Variants in MPHOSPH8 observed in about 807,000 individuals in gnomAD.
MPHOSPH8 encodes the protein M-phase phosphoprotein, mpp.
Under a neutral mutation model 87.3 loss-of-function variants are expected in MPHOSPH8, and 45 were observed. That is an observed-to-expected ratio of 0.52 (90% CI 0.41 to 0.66). The LOEUF (loss-of-function observed/expected upper bound fraction) is 0.66. Among genes scored for constraint, MPHOSPH8 ranks in the 30% least tolerant of loss-of-function variants. The pLI is 0.00. For missense variants in MPHOSPH8, 883 were observed against 1,020.2 expected (o/e 0.87, Z 1.83); for synonymous variants, 366 against 376.9 (o/e 0.97, Z 0.33).
intron 11 of MPHOSPH8, 124 bp from the exon 12 acceptor site, chr13:19,670,112 G>A (rs1277158056): frequency 8.7e-7 from 1 of 1,143,180 alleles, no homozygotes; most frequent in Non-Finnish European, 1.3e-6. Flanking sequence ...GAGCCTCCAG[G>A]CAGAGTGGGT....
At chr13:19,633,992 G>T in intron 1 of MPHOSPH8, 31 bp downstream of exon 1, 1 of 1,588,540 alleles carries the variant, frequency 6.3e-7, no homozygotes, top group Non-Finnish European at 8.6e-7. Flanking sequence ...GCGGGGCTGG[G>T]CGGGGAGCTC....
chr13:19,648,808 C>T (rs996658704), intron 4 of MPHOSPH8, among the ~76,000 whole-genome samples: 11 of 151,802 alleles, frequency 7.2e-5, no homozygotes, highest in Admixed American at 2.0e-4. Context: ...ATATTGAATA[C>T]GCATTTTGGA....
intron 5 of MPHOSPH8, among the ~76,000 whole-genome samples, chr13:19,656,924 C>G (rs1184103957): frequency 1.3e-5 from 2 of 149,666 alleles, no homozygotes; most frequent in Non-Finnish European, 3.0e-5. Context: ...GAGTTCGAGG[C>G]CAGCCTGGCC....
At chr13:19,646,362 C>T (rs528394722) in intron 2 of MPHOSPH8, 81 bp from the exon 3 acceptor site, 1 of 1,173,898 alleles carries the variant, frequency 8.5e-7, no homozygotes, top group Non-Finnish European at 1.1e-6. Context: ...AATATTCTTA[C>T]CAAATTTCAT....
In MPHOSPH8 at chr13:19,661,762, T is replaced by G. The variant is rs1875540704; in HGVS notation, c.1856T>G (p.Leu619Arg). ...GGAGGGCAGGACGACCTCCTGCGAC[T>G]CCTCATCACAAAAGGCGCGAAAGTG... is the stretch of plus-strand genomic sequence containing the variant. Reference protein sequence around the residue: ...AAGGQDDLLRLLITKGAKVNG... With the variant: ...AAGGQDDLLRRLITKGAKVNG... The change falls in exon 8 of 14, where the codon CTC becomes CGC. Residue 619 changes from leucine to arginine, a missense_variant. By Grantham distance (102) the Leu-to-Arg change is moderately radical (BLOSUM62 -2). This residue lies in a region of MPHOSPH8 where 741 missense variants were observed against 841.5 expected (regional missense o/e 0.88). Coordinates refer to ENST00000361479, the MANE Select transcript of MPHOSPH8 (RefSeq NM_017520.4). 4 of 1,612,902 alleles carry G rather than the reference T, an allele frequency of 2.5e-6. No homozygotes were observed. Among genetic ancestry groups the G allele is most frequent in the Non-Finnish European group, 1.7e-6 (2 of 1,179,478 alleles).
chr13:19,667,407 G>A (rs1033534448), intron 10 of MPHOSPH8, among the ~76,000 whole-genome samples: 4 of 152,104 alleles, frequency 2.6e-5, no homozygotes, highest in Non-Finnish European at 5.9e-5. Flanking sequence ...GGGCTCACTC[G>A]TAGTGTTACC....
rs112297467 is a variant in MPHOSPH8 at position 19,661,969 on chromosome 13, T to G, written c.1932+131T>G. 1,854 of 1,187,960 alleles carry G rather than the reference T, an allele frequency of 1.6e-3. 5 individuals are homozygous for G. The highest frequency in any genetic ancestry group is 2.0e-3 in the South Asian group (106 of 52,962). 73.6% of individuals were successfully genotyped at this position (1,187,960 alleles called of 1,614,324 possible). ...GCTTTTTTTTTTTTTTTAGACGGAG[T>G]CTCGCTCTGTCGCCGAGGCTGGAGT... On this transcript the variant is annotated intron_variant, in intron 8 of 13. Transcript: ENST00000361479.
At chr13:19,636,493 T>C (rs1874015799) in intron 1 of MPHOSPH8, among the ~76,000 whole-genome samples, 1 of 152,102 alleles carries the variant, frequency 6.6e-6, no homozygotes, top group South Asian at 2.1e-4. Context: ...ATTTCCTTTT[T>C]TTTTTTTGAG....
intron 5 of MPHOSPH8, among the ~76,000 whole-genome samples, chr13:19,656,444 TAATA>T (rs144788392): frequency 0.014 from 2,144 of 152,274 alleles, 51 homozygotes; most frequent in African/African-American, 0.05. Context: ...TCTACATAAA[TAATA>T]AATGTATTTT....
intron 3 of MPHOSPH8, 99 bp downstream of exon 3, chr13:19,647,390 G>T: frequency 2.0e-6 from 2 of 1,011,000 alleles, no homozygotes; most frequent in Non-Finnish European, 2.8e-6. Flanking sequence ...AAGTGTTTAT[G>T]ACCATGGGCG....
intron 1 of MPHOSPH8, among the ~76,000 whole-genome samples, chr13:19,638,244 T>C (rs1874105668): frequency 1.3e-5 from 2 of 152,312 alleles, no homozygotes; most frequent in Admixed American, 6.5e-5. Flanking sequence ...ACTGTATTGC[T>C]GAACAATAAA....
Position 19,633,729 on chromosome 13 carries a change from C to A in MPHOSPH8, c.-20C>A. The A allele has an allele frequency of 3.2e-6, 5 of 1,571,116 alleles. No individual in the cohort carries two copies. The highest frequency in any genetic ancestry group is 3.5e-6 in the Non-Finnish European group (4 of 1,158,300). ...GTTTGTCGCAGCGGGTTTTCCTCGG[C>A]GGTTTGCGGAGCTGCTAGGATGGAG... is the stretch of plus-strand genomic sequence containing the variant. On this transcript the variant is annotated 5_prime_UTR_variant, in exon 1 of 14. Transcript: ENST00000361479.
rs148225580 is a variant in MPHOSPH8 at position 19,664,063 on chromosome 13, T to C, written c.2019+937T>C. Among the ~76,000 whole-genome samples, 4 of 152,246 alleles carry C rather than the reference T, an allele frequency of 2.6e-5. No homozygotes were observed. In the East Asian group the frequency reaches 7.7e-4, roughly 29 times the overall value. ...CAGTGGCACCATCATGACTCACTGA[T>C]GCCTTGGCTTCCAGAGCTCAAGTGC... On this transcript the variant is annotated intron_variant, in intron 9 of 13. Transcript: ENST00000361479.
chr13:19,643,742 C>T (rs1232089359), intron 2 of MPHOSPH8, among the ~76,000 whole-genome samples: 1 of 152,048 alleles, frequency 6.6e-6, no homozygotes, highest in Non-Finnish European at 1.5e-5. Flanking sequence ...TTAGCTGGAA[C>T]CCCTTCATAC....
rs141184296 is a variant in MPHOSPH8, at chr13:19,664,079, G to T, written c.2019+953G>T. Among the ~76,000 whole-genome samples, 668 of 152,206 alleles carry T rather than the reference G, an allele frequency of 4.4e-3. 3 individuals are homozygous for T. The highest frequency in any genetic ancestry group is 0.016 in the African/African-American group (647 of 41,530). On this transcript the variant is annotated intron_variant, in intron 9 of 13. Transcript: ENST00000361479. ...ACTCACTGATGCCTTGGCTTCCAGA[G>T]CTCAAGTGCCTCCCTCAGCCTCCCG... is the stretch of plus-strand genomic sequence containing the variant.
At chr13:19,665,899 T>C (rs1051123201) in intron 9 of MPHOSPH8, among the ~76,000 whole-genome samples, 6 of 152,234 alleles carry the variant, frequency 3.9e-5, no homozygotes, top group African/African-American at 1.4e-4. Context: ...GATTCGGATC[T>C]GTGCTTGGGT....
chr13:19,666,525 C>G lies in MPHOSPH8; in HGVS notation c.2120C>G (p.Ala707Gly), dbSNP rs778576435. The G allele has an allele frequency of 6.2e-7, 1 of 1,605,056 alleles. No individual in the cohort carries two copies. Among genetic ancestry groups the G allele is most frequent in the Non-Finnish European group, 8.5e-7 (1 of 1,172,712 alleles). The change falls in exon 10 of 14, where the codon GCG becomes GGG. Residue 707 changes from alanine to glycine, a missense_variant. Ala to Gly is a moderately conservative substitution (Grantham distance 60). This residue lies in a region of MPHOSPH8 where 741 missense variants were observed against 841.5 expected (regional missense o/e 0.88). Transcript: ENST00000361479. ...SKHQNSALHFAKQSNNVLVYD... is the reference protein window; with the variant it reads ...SKHQNSALHFGKQSNNVLVYD... ...CACCAGAATAGTGCCCTGCACTTTGCGAAGCAGTCTAACAATGTGCTTGTG... is the reference window on the plus strand; with the variant it reads ...CACCAGAATAGTGCCCTGCACTTTGGGAAGCAGTCTAACAATGTGCTTGTG...
chr13:19,657,121 C>CA (rs11383127), intron 5 of MPHOSPH8, among the ~76,000 whole-genome samples: 48,246 of 70,328 alleles, frequency 0.69, 17,839 homozygotes, highest in East Asian at 0.85. Flanking sequence ...AACTCTGTCT[C>CA]AAAAAAAAAA....
Position 19,673,087 on chromosome 13 carries a change from GGTTTT to G in MPHOSPH8, c.*1213_*1217del, listed in dbSNP as rs780139930. 0.01 allele frequency: 529 copies of G among 52,658 alleles called. 3 individuals carry two copies. The highest frequency in any genetic ancestry group is 0.025 in the Non-Finnish European group (417 of 16,754). 3.3% of individuals were successfully genotyped at this position (52,658 alleles called of 1,614,324 possible). ...AAAAAAAGTTTCTTGGAACCTATAC[GGTTTT>G]TTTTTGTTTTTTTTTTTTGAAAAGC... On this transcript the variant is annotated 3_prime_UTR_variant, in exon 14 of 14. Transcript: ENST00000361479.
Sources: allele counts gnomAD v4.1 joint callset (sites outside exome capture counted in the v4.1 genomes callset), GRCh38; gene constraint gnomAD v4.1.1; regional missense constraint gnomAD v4.1.1; transcripts MANE v1.5; gene names NCBI Gene and HGNC (gene_info 2026-07-23, HGNC 2026-07-21).